The following PCDH9 variants were observed in gnomAD, a reference collection of about 807,000 sequenced individuals.
The protein encoded by PCDH9 is protocadherin-9.
PCDH9 carries 24 observed loss-of-function variants against 70.6 expected under a neutral mutation model. The observed-to-expected ratio is 0.34, with a 90% CI of 0.25 to 0.48. PCDH9 has a LOEUF of 0.48. PCDH9 is among the 20% of genes least tolerant of loss of function. The pLI, the probability that PCDH9 is intolerant of heterozygous loss-of-function variation, is 0.99. For synonymous variants in PCDH9, 562 were observed against 558.5 expected (o/e 1.01, Z -0.09); for missense variants, 1,281 against 1,503.6 (o/e 0.85, Z 2.45).
intron 3 of PCDH9, among the ~76,000 whole-genome samples, chr13:66,657,328 A>G (rs899038102): frequency 6.6e-6 from 1 of 152,162 alleles, no homozygotes; most frequent in Non-Finnish European, 1.5e-5. Context: ...AAGGACTAAT[A>G]CAAATAACAG....
At chr13:66,578,795 TA>T (rs1358328716) in intron 4 of PCDH9, among the ~76,000 whole-genome samples, 1 of 152,102 alleles carries the variant, frequency 6.6e-6, no homozygotes, top group African/African-American at 2.4e-5. Flanking sequence ...TAATATGAGC[TA>T]AGAAAATTAA....
chr13:66,869,965 G>A (rs553970160), intron 3 of PCDH9, among the ~76,000 whole-genome samples: 62 of 152,246 alleles, frequency 4.1e-4, no homozygotes, highest in African/African-American at 1.5e-3. Context: ...TGTTGCCATT[G>A]CTTTTGGTGT....
At chr13:66,754,921 A>G (rs1363528341) in intron 3 of PCDH9, among the ~76,000 whole-genome samples, 1 of 152,128 alleles carries the variant, frequency 6.6e-6, no homozygotes, top group African/African-American at 2.4e-5. Context: ...TCTAGAATTT[A>G]TTTTTGTGTG....
chr13:67,077,542 T>C (rs2085901636), intron 2 of PCDH9, among the ~76,000 whole-genome samples: 1 of 152,194 alleles, frequency 6.6e-6, no homozygotes, highest in African/African-American at 2.4e-5. Flanking sequence ...AAAAGGTAAA[T>C]TCCATTTTTG....
At chr13:66,994,286 T>C (rs1390543804) in intron 2 of PCDH9, among the ~76,000 whole-genome samples, 3 of 152,184 alleles carry the variant, frequency 2.0e-5, no homozygotes, top group Non-Finnish European at 4.4e-5. Flanking sequence ...AAATGGCTGC[T>C]GCCAGGATGA....
At chr13:66,392,137 A>G (rs1191398539) in intron 4 of PCDH9, among the ~76,000 whole-genome samples, 1 of 151,860 alleles carries the variant, frequency 6.6e-6, no homozygotes, top group Non-Finnish European at 1.5e-5. Flanking sequence ...GTATCAAATA[A>G]AAATTTGTCA....
intron 2 of PCDH9, among the ~76,000 whole-genome samples, chr13:67,110,493 G>T (rs531546081): frequency 8.5e-6 from 1 of 117,148 alleles, no homozygotes; most frequent in Non-Finnish European, 1.6e-5. Context: ...CAGCCTGGGC[G>T]ACAGAGACTC....
intron 4 of PCDH9, among the ~76,000 whole-genome samples, chr13:66,314,841 A>G (rs1955622651): frequency 6.6e-6 from 1 of 152,222 alleles, no homozygotes; most frequent in African/African-American, 2.4e-5. Flanking sequence ...GACTATGAAT[A>G]TGATAAGATT....
At chr13:66,500,618 A>G (rs531730037) in intron 4 of PCDH9, among the ~76,000 whole-genome samples, 1 of 152,096 alleles carries the variant, frequency 6.6e-6, no homozygotes, top group Non-Finnish European at 1.5e-5. Context: ...ATTATCCACA[A>G]TCTGAAATGA....
At chr13:67,151,541 A>T in intron 2 of PCDH9, among the ~76,000 whole-genome samples, 1 of 152,040 alleles carries the variant, frequency 6.6e-6, no homozygotes. Context: ...TAGGTAGGGG[A>T]TCTAAGAGTA....
chr13:67,098,910 T>C (rs1021224247), intron 2 of PCDH9, among the ~76,000 whole-genome samples: 1 of 152,188 alleles, frequency 6.6e-6, no homozygotes. Flanking sequence ...TGGTGGTGGA[T>C]TGTTCAGTTT....
At position 67,225,809 on chromosome 13, in the gene PCDH9, T is replaced by G; in HGVS notation, c.2632A>C (p.Lys878Gln). 4.3e-6 allele frequency: 7 copies of G among 1,614,160 alleles called. No individual in the cohort carries two copies. The highest frequency in any genetic ancestry group is 5.9e-6 in the Non-Finnish European group (7 of 1,180,000). ...KKKRKKRKSP[K>Q]SSLLNFVTIE... ...GTAACAAAGTTCAAAAGAGAGCTTT[T>G]GGGAGACTTCCTTTTCTTTCTTTTC... The change falls in exon 2 of 5, where the codon AAA (lysine) becomes CAA (glutamine). Residue 878 changes from lysine to glutamine, a missense_variant. Around this residue, in one of 4 missense-constraint regions of PCDH9, gnomAD observed 207 missense variants for 191.8 expected, o/e 1.08. Coordinates refer to ENST00000377865, the MANE Select transcript of PCDH9 (RefSeq NM_203487.3).
At chr13:67,100,370 G>T (rs1428564188) in intron 2 of PCDH9, among the ~76,000 whole-genome samples, 2 of 152,114 alleles carry the variant, frequency 1.3e-5, no homozygotes, top group Non-Finnish European at 2.9e-5. Context: ...TTCTTAAAAA[G>T]AAAAACTACT....
intron 4 of PCDH9, among the ~76,000 whole-genome samples, chr13:66,614,733 T>C (rs1216767121): frequency 2.0e-5 from 3 of 152,194 alleles, no homozygotes; most frequent in Non-Finnish European, 4.4e-5. Flanking sequence ...TGAACATAAA[T>C]TTTATTTCCT....
At chr13:66,378,985 CTA>C (rs1956795518) in intron 4 of PCDH9, among the ~76,000 whole-genome samples, 1 of 152,212 alleles carries the variant, frequency 6.6e-6, no homozygotes, top group South Asian at 2.1e-4. Flanking sequence ...TCAAGGGAAA[CTA>C]TGCAGCAACA....
At chr13:67,037,289 C>T (rs889733725) in intron 2 of PCDH9, among the ~76,000 whole-genome samples, 7 of 152,154 alleles carry the variant, frequency 4.6e-5, no homozygotes, top group African/African-American at 1.4e-4. Context: ...ATGTTACTCG[C>T]TCGACTTGCA....
chr13:66,448,308 G>A (rs1212759417), intron 4 of PCDH9, among the ~76,000 whole-genome samples: 4 of 152,204 alleles, frequency 2.6e-5, no homozygotes, highest in Non-Finnish European at 5.9e-5. Context: ...ATAGCTGTTT[G>A]CTACCTGCAG....
chr13:66,671,596 G>T (rs1032120999), intron 3 of PCDH9, among the ~76,000 whole-genome samples: 62 of 152,160 alleles, frequency 4.1e-4, no homozygotes, highest in African/African-American at 1.4e-3. Flanking sequence ...TTGGGAACTG[G>T]AATAAAGGTG....
In PCDH9 at chr13:66,932,884, A is replaced by G. The variant is rs928600512; in HGVS notation, c.3037-29279T>C. Among the ~76,000 whole-genome samples, 24 of 151,280 alleles carry G rather than the reference A, an allele frequency of 1.6e-4. No individual in the cohort carries two copies. In the East Asian group the frequency reaches 4.7e-3, roughly 29 times the overall value. ...TCAGCAATGTGCCAAAAATGTACAA[A>G]GTAGCCAGTTGTTTAGAAAATATTA... On this transcript the variant is annotated intron_variant, in intron 2 of 4. Transcript: ENST00000377865.
Sources: gnomAD v4.1 joint callset for allele counts (sites outside exome capture counted in the v4.1 genomes callset) on GRCh38, gnomAD v4.1.1 for gene constraint, gnomAD v4.1.1 regional missense constraint, MANE v1.5 for transcripts, NCBI Gene and HGNC (gene_info 2026-07-23, HGNC 2026-07-21) for gene names.